SCN2A: variants seen among roughly 807,000 people sequenced by gnomAD.
The protein encoded by SCN2A is sodium voltage-gated channel alpha subunit 2, also known as sodium channel protein type 2 subunit alpha.
SCN2A carries 20 observed loss-of-function variants against 188.7 expected under a neutral mutation model. The ratio of observed to expected loss-of-function variants is 0.11; its 90% CI spans 0.07 to 0.15. The LOEUF is 0.15. Among genes scored for constraint, SCN2A ranks in the 10% least tolerant of loss-of-function variants. The pLI, the probability that SCN2A is intolerant of heterozygous loss-of-function variation, is 1.00. For missense variants in SCN2A, 1,278 were observed against 2,445.0 expected, an observed-to-expected ratio of 0.52 and a Z score of 10.07; for synonymous variants, 804 against 833.1, an observed-to-expected ratio of 0.97 and a Z score of 0.60.
chr2:165,370,043 C>T (rs1174971972), intron 19 of SCN2A, 83 bp from the exon 20 acceptor site: 11 of 1,224,650 alleles, frequency 9.0e-6, no homozygotes, highest in Admixed American at 3.8e-5. Context: ...CTGATAAGAG[C>T]TTGCATCGTT....
intron 1 of SCN2A, chr2:165,270,867 C>T (rs546629489): frequency 6.6e-6 from 1 of 152,170 alleles, no homozygotes; most frequent in African/African-American, 2.4e-5. Context: ...TAGAATAAAT[C>T]CTTTTTGGGA....
At chr2:165,291,306 A>G (rs1293512877) in intron 1 of SCN2A, among the ~76,000 whole-genome samples, 3 of 150,540 alleles carry the variant, frequency 2.0e-5, no homozygotes, top group Non-Finnish European at 4.4e-5. Context: ...GGCCTCCCAG[A>G]GTGCTGGGAT....
chr2:165,343,446 AT>A (rs573652767), intron 15 of SCN2A, among the ~76,000 whole-genome samples: 8 of 152,212 alleles, frequency 5.3e-5, no homozygotes, highest in Non-Finnish European at 1.0e-4. Context: ...ACTTAAAAAA[AT>A]ATATTTAGTA....
At chr2:165,291,437 T>C (rs1190466207) in intron 1 of SCN2A, among the ~76,000 whole-genome samples, 1 of 12,596 alleles carries the variant, frequency 7.9e-5, no homozygotes, top group South Asian at 4.9e-3. Context: ...TCTTTCTTTC[T>C]CTTTCTTTCT....
Position 165,315,623 on chromosome 2 carries a change from A to C in SCN2A, c.1536A>C (p.Glu512Asp). The C allele has an allele frequency of 1.9e-6, 3 of 1,614,076 alleles. No homozygotes were observed. The highest frequency in any genetic ancestry group is 2.5e-6 in the Non-Finnish European group (3 of 1,179,950). Residue 512 changes from glutamate to aspartate, a missense_variant, in exon 11 of 27, where the codon GAA (glutamate) becomes GAC (aspartate). By Grantham distance (45) the Glu-to-Asp change is conservative (BLOSUM62 2). This residue lies in a region of SCN2A where 315 missense variants were observed against 386.6 expected (regional missense o/e 0.81). Coordinates refer to ENST00000375437, the MANE Select transcript of SCN2A (RefSeq NM_001040142.2). ...KNRRKKKKQK[E>D]QSGEEEKNDR... is the part of the protein sequence containing the mutation. ...GAAGAAAGAAAAAGAAACAGAAAGA[A>C]CAGTCTGGAGAAGAAGAGAAAAATG...
chr2:165,348,618 A>G (rs1486053135), intron 16 of SCN2A, among the ~76,000 whole-genome samples: 1 of 152,164 alleles, frequency 6.6e-6, no homozygotes, highest in Non-Finnish European at 1.5e-5. Context: ...ATTACTTCAT[A>G]GTTTCTGTGG....
intron 16 of SCN2A, among the ~76,000 whole-genome samples, chr2:165,348,814 C>T (rs1336242298): frequency 6.6e-6 from 1 of 152,142 alleles, no homozygotes; most frequent in Non-Finnish European, 1.5e-5. Flanking sequence ...AGTTGAAGGT[C>T]TCAGTTTTTC....
chr2:165,352,018 C>A (rs180689772), intron 16 of SCN2A, among the ~76,000 whole-genome samples: 1 of 151,952 alleles, frequency 6.6e-6, no homozygotes, highest in Admixed American at 6.5e-5. Flanking sequence ...AGTACAGAGG[C>A]AATATAATTG....
chr2:165,240,325 G>A (rs1457845309), intron 1 of SCN2A, among the ~76,000 whole-genome samples: 3 of 152,098 alleles, frequency 2.0e-5, no homozygotes, highest in African/African-American at 7.2e-5. Context: ...TGGGATAATA[G>A]AACCGTGGCC....
chr2:165,295,885 C>A lies in SCN2A; in HGVS notation c.62C>A (p.Ser21Tyr). The change falls in exon 2 of 27, where the codon TCC (serine) becomes TAC (tyrosine). Residue 21 changes from serine to tyrosine, a missense_variant. By Grantham distance (144) the Ser-to-Tyr change is moderately radical. Transcript: ENST00000375437. The part of the protein sequence containing the change: ...PDSFRFFTRE[S>Y]LAAIEQRIAE... ...AGCTTCCGCTTCTTTACCAGGGAAT[C>A]CCTTGCTGCTATTGAACAACGCATT... The A allele has an allele frequency of 6.2e-7, 1 of 1,614,168 alleles. No individual in the cohort carries two copies. The highest frequency in any genetic ancestry group is 8.5e-7 in the Non-Finnish European group (1 of 1,180,028).
At chr2:165,302,596 T>G (rs1453458782) in intron 3 of SCN2A, among the ~76,000 whole-genome samples, 1 of 152,212 alleles carries the variant, frequency 6.6e-6, no homozygotes, top group African/African-American at 2.4e-5. Flanking sequence ...CCAATAATTA[T>G]TATCTTAGTG....
intron 1 of SCN2A, among the ~76,000 whole-genome samples, chr2:165,250,546 AT>A (rs1694044019): frequency 1.3e-5 from 2 of 151,408 alleles, no homozygotes; most frequent in African/African-American, 2.4e-5. Flanking sequence ...CACAAAAAAA[AT>A]CTCTATTTCC....
intron 12 of SCN2A, among the ~76,000 whole-genome samples, chr2:165,326,324 GT>G (rs1698355887): frequency 6.6e-6 from 1 of 152,186 alleles, no homozygotes; most frequent in African/African-American, 2.4e-5. Context: ...CTAAAATTTA[GT>G]TTTGTAATTA....
intron 1 of SCN2A, among the ~76,000 whole-genome samples, chr2:165,281,557 AG>A: frequency 6.6e-6 from 1 of 151,872 alleles, no homozygotes; most frequent in Admixed American, 6.6e-5. Context: ...GAAGGAAGTG[AG>A]GGGGGTGGGC....
intron 1 of SCN2A, among the ~76,000 whole-genome samples, chr2:165,276,663 G>A (rs2106113863): frequency 6.6e-6 from 1 of 152,226 alleles, no homozygotes; most frequent in Admixed American, 6.5e-5. Context: ...TTGTACAAAT[G>A]CAGGTTAGGC....
chr2:165,249,442 T>C (rs1450066484), intron 1 of SCN2A, among the ~76,000 whole-genome samples: 5 of 152,102 alleles, frequency 3.3e-5, no homozygotes, highest in Non-Finnish European at 7.4e-5. Context: ...AGGAAGTTAA[T>C]TATGCTCTTT....
At position 165,246,173 on chromosome 2, in the gene SCN2A, T is replaced by C. The variant is rs1693837851; in HGVS notation, c.-52+6533T>C. On this transcript the variant is annotated intron_variant, in intron 1 of 26. Coordinates refer to ENST00000375437, the MANE Select transcript of SCN2A (RefSeq NM_001040142.2). Reference sequence around the variant, plus strand: ...GATTCAAATTATTTCCACATTTGGGTATGCATCTTTTAAGGAGTTTTCATG... The same window carrying C: ...GATTCAAATTATTTCCACATTTGGGCATGCATCTTTTAAGGAGTTTTCATG... Among the ~76,000 whole-genome samples the C allele has an allele frequency of 2.0e-5, 3 of 152,290 alleles. 1 individual carries two copies. The highest frequency in any genetic ancestry group is 3.4e-3 in the Middle Eastern group (1 of 294).
intron 1 of SCN2A, among the ~76,000 whole-genome samples, chr2:165,284,154 T>C (rs1040375290): frequency 2.0e-5 from 3 of 152,020 alleles, no homozygotes; most frequent in Admixed American, 6.6e-5. Context: ...AGCATTGTTT[T>C]ATTATTATTT....
chr2:165,262,949 G>A (rs1694671661), intron 1 of SCN2A, among the ~76,000 whole-genome samples: 1 of 151,954 alleles, frequency 6.6e-6, no homozygotes, highest in Admixed American at 6.6e-5. Context: ...CAGGAGTAAG[G>A]TGATATCTCA....
Sources: gnomAD v4.1 joint callset for allele counts (sites outside exome capture counted in the v4.1 genomes callset) on GRCh38, gnomAD v4.1.1 for gene constraint, gnomAD v4.1.1 regional missense constraint, MANE v1.5 for transcripts, NCBI Gene and HGNC (gene_info 2026-07-23, HGNC 2026-07-21) for gene names.